Variants in WDR1 observed in about 807,000 individuals in gnomAD.
WDR1 encodes WD repeat domain 1, also known as WD repeat-containing protein 1.
A neutral mutation model predicts 71.9 loss-of-function variants in WDR1; 21 were observed. The ratio of observed to expected loss-of-function variants is 0.29; its 90% CI spans 0.21 to 0.42. The LOEUF (loss-of-function observed/expected upper bound fraction) is 0.42, where lower values mean the gene tolerates loss of function less well. Ranked by LOEUF, WDR1 falls within the 10% of genes least tolerant of loss-of-function variation. WDR1 has a pLI of 1.00. For missense variants in WDR1, 696 were observed against 824.5 expected (o/e 0.84, Z 1.91); for synonymous variants, 424 against 347.4 (o/e 1.22, Z -2.45).
intron 5 of WDR1, among the ~76,000 whole-genome samples, chr4:10,089,708 T>A (rs1471497535): frequency 2.0e-5 from 3 of 152,190 alleles, no homozygotes; most frequent in African/African-American, 7.2e-5. Context: ...GCTCAGCAGG[T>A]ACGAACACTA....
rs2303401 is a variant in WDR1, at chr4:10,116,014, G to C, written c.138+99C>G. 0.078 allele frequency: 115,953 copies of C among 1,486,740 alleles called. 6,704 individuals carry two copies. The highest frequency in any genetic ancestry group is 0.32 in the East Asian group (13,305 of 41,142). The allele number at this position is 1,486,740 out of a possible 1,614,324, so 92.1% of individuals were successfully genotyped here. ...GGGGCGTGGCGCCCTCACCCTCCCC[G>C]GGCCAATGGGCAGGAGGTGAGAAGT... On this transcript the variant is annotated intron_variant, in intron 2 of 14. Transcript: ENST00000499869.
chr4:10,100,841 A>G (rs973458824), intron 3 of WDR1, among the ~76,000 whole-genome samples: 1 of 152,272 alleles, frequency 6.6e-6, no homozygotes, highest in Non-Finnish European at 1.5e-5. Flanking sequence ...GTGTGCAGGA[A>G]GGACATGCAG....
chr4:10,079,084 G>C, intron 11 of WDR1, 83 bp from the exon 12 acceptor site: 1 of 1,139,172 alleles, frequency 8.8e-7, no homozygotes, highest in Non-Finnish European at 1.2e-6. Context: ...CGTCCCTGTC[G>C]GGGCTCACTG....
intron 13 of WDR1, 95 bp from the exon 14 acceptor site, chr4:10,077,543 C>A: frequency 6.3e-7 from 1 of 1,575,348 alleles, no homozygotes; most frequent in Non-Finnish European, 8.6e-7. Context: ...ACAATAAGGA[C>A]CGAGGTTTCT....
At chr4:10,116,326 G>T (rs760636440) in intron 1 of WDR1, 92 bp from the exon 2 acceptor site, 3 of 1,564,290 alleles carry the variant, frequency 1.9e-6, no homozygotes, top group Non-Finnish European at 2.6e-6. Flanking sequence ...GTCTCGGCCG[G>T]TCACCTGTTG....
Position 10,077,931 on chromosome 4 carries a change from G to T in WDR1, c.1396-5C>A. On this transcript the variant is annotated splice_region_variant and splice_polypyrimidine_tract_variant and intron_variant, in intron 12 of 14. Transcript: ENST00000499869. ...ATACAGGCGGACGTTGCCGTCCTACGGCAGGGACAGAGAGGAAGTGAGCCA... is the reference window on the plus strand; with the variant it reads ...ATACAGGCGGACGTTGCCGTCCTACTGCAGGGACAGAGAGGAAGTGAGCCA... 6.3e-7 allele frequency: 1 copy of T among 1,598,942 alleles called. No individual in the cohort carries two copies.
intron 12 of WDR1, 189 bp downstream of exon 12, chr4:10,078,702 G>C: frequency 5.5e-6 from 3 of 542,600 alleles, no homozygotes; most frequent in Non-Finnish European, 9.8e-6. Context: ...GGAGGGGAAG[G>C]CTCCAGCCCT....
At chr4:10,115,871 C>CT (rs1713686124) in intron 2 of WDR1, 2 of 521,442 alleles carry the variant, frequency 3.8e-6, no homozygotes, top group Non-Finnish European at 6.9e-6. Flanking sequence ...TTTCAGGGTG[C>CT]TATGACCGTA....
intron 5 of WDR1, 22 bp downstream of exon 5, chr4:10,097,689 C>G: frequency 6.3e-7 from 1 of 1,599,084 alleles, no homozygotes; most frequent in East Asian, 2.2e-5. Context: ...ACAAATTTCA[C>G]CCAAAAAGTA....
chr4:10,095,949 G>GAGCTGGGCT (rs1382188992), intron 5 of WDR1: 1 of 152,350 alleles, frequency 6.6e-6, no homozygotes, highest in Non-Finnish European at 1.5e-5. Context: ...ACCCACCCTG[G>GAGCTGGGCT]AGCTGGGCTA....
chr4:10,082,319 C>T (rs999254141), intron 10 of WDR1, among the ~76,000 whole-genome samples: 2 of 152,138 alleles, frequency 1.3e-5, no homozygotes, highest in Non-Finnish European at 2.9e-5. Flanking sequence ...GAGTCCCCAT[C>T]TCCCAGGCAA....
At chr4:10,077,556 C>G (rs1268752075) in intron 13 of WDR1, 108 bp from the exon 14 acceptor site, 9 of 1,544,550 alleles carry the variant, frequency 5.8e-6, no homozygotes, top group Non-Finnish European at 7.0e-6. Flanking sequence ...AGGTTTCTCA[C>G]GCGCTAACTC....
At chr4:10,079,500 G>A (rs139539281) in intron 11 of WDR1, among the ~76,000 whole-genome samples, 1,615 of 152,342 alleles carry the variant, frequency 0.011, 21 homozygotes, top group South Asian at 0.024. Flanking sequence ...AGGCTGAGCC[G>A]GGACTCGCCC....
intron 2 of WDR1, among the ~76,000 whole-genome samples, chr4:10,115,072 G>C (rs1283165067): frequency 2.0e-5 from 3 of 152,222 alleles, no homozygotes; most frequent in Non-Finnish European, 4.4e-5. Context: ...AGGGAAATCA[G>C]GCTGACTTTA....
chr4:10,081,546 C>A (rs1765014666), intron 10 of WDR1, 102 bp from the exon 11 acceptor site: 2 of 1,055,100 alleles, frequency 1.9e-6, no homozygotes, highest in South Asian at 1.3e-5. Flanking sequence ...CCTTAGAAGG[C>A]AATTCTATTG....
intron 2 of WDR1, among the ~76,000 whole-genome samples, chr4:10,105,373 C>G (rs1394720221): frequency 2.0e-5 from 3 of 152,222 alleles, no homozygotes; most frequent in Non-Finnish European, 4.4e-5. Context: ...TCTTTCATCC[C>G]TAAGACTTAA....
chr4:10,106,614 G>T (rs1246294227), intron 2 of WDR1: 1 of 152,252 alleles, frequency 6.6e-6, no homozygotes, highest in African/African-American at 2.4e-5. Context: ...AAGATGCCTG[G>T]GCAGGGGCAT....
At chr4:10,095,156 G>A (rs1048627556) in intron 5 of WDR1, among the ~76,000 whole-genome samples, 16 of 152,204 alleles carry the variant, frequency 1.1e-4, no homozygotes, top group Admixed American at 6.5e-5. Context: ...GGCGAGGGGC[G>A]GCAGGCAAGG....
At chr4:10,092,787 G>GA in intron 5 of WDR1, 1 of 312,998 alleles carries the variant, frequency 3.2e-6, no homozygotes, top group South Asian at 2.5e-5. Context: ...AGGGATTGGG[G>GA]AACCTCCCGG....
Sources: allele counts gnomAD v4.1 joint callset (sites outside exome capture counted in the v4.1 genomes callset), GRCh38; gene constraint gnomAD v4.1.1; transcripts MANE v1.5; gene names NCBI Gene and HGNC (gene_info 2026-07-23, HGNC 2026-07-21).